Variants in SPPL3 observed in about 807,000 individuals in gnomAD.
SPPL3 encodes the protein signal peptide peptidase-like 3.
Under a neutral mutation model 42.4 loss-of-function variants are expected in SPPL3, and 5 were observed. The observed-to-expected ratio is 0.12, with a 90% CI of 0.06 to 0.25. The LOEUF is 0.25. SPPL3 is among the 10% of genes least tolerant of loss of function. The probability of loss-of-function intolerance (pLI) is 1.00; values close to 1 mark genes in which losing one functional copy is unlikely to be tolerated. For synonymous variants in SPPL3, 195 were observed against 181.8 expected, an observed-to-expected ratio of 1.07 and a Z score of -0.58; for missense variants, 235 against 489.0, an observed-to-expected ratio of 0.48 and a Z score of 4.90.
At chr12:120,830,590 A>AGG in intron 1 of SPPL3, among the ~76,000 whole-genome samples, 1 of 121,788 alleles carries the variant, frequency 8.2e-6, no homozygotes, top group Non-Finnish European at 1.8e-5. Flanking sequence ...GGAGAGAGAG[A>AGG]GAGAGAGAGA....
At chr12:120,864,895 T>TA (rs1389819808) in intron 1 of SPPL3, among the ~76,000 whole-genome samples, 2 of 152,086 alleles carry the variant, frequency 1.3e-5, no homozygotes, top group African/African-American at 4.8e-5. Flanking sequence ...GAAACTGGGT[T>TA]AAAAAAATAA....
rs2136980376 is a variant in SPPL3 at position 120,784,882 on chromosome 12, T to C, written c.191-289A>G. 2.0e-5 allele frequency among the ~76,000 whole-genome samples: 3 copies of C among 152,240 alleles called. No homozygotes were observed. The Middle Eastern group carries it at 0.01, about 518-fold the overall frequency. ...GGATCCAAACCACCACCGAGAACAT[T>C]AAGAGGTAGTAAAAACCCAGATTAG... On this transcript the variant is annotated intron_variant, in intron 3 of 10. Coordinates refer to ENST00000353487, the MANE Select transcript of SPPL3 (RefSeq NM_139015.5).
intron 1 of SPPL3, among the ~76,000 whole-genome samples, chr12:120,853,645 C>T (rs575208425): frequency 1.3e-5 from 2 of 152,216 alleles, no homozygotes; most frequent in South Asian, 4.1e-4. Flanking sequence ...ATTCTCAAAG[C>T]TGATGGTGTA....
chr12:120,876,500 C>T (rs1379116230), intron 1 of SPPL3, among the ~76,000 whole-genome samples: 1 of 150,162 alleles, frequency 6.7e-6, no homozygotes, highest in Non-Finnish European at 1.5e-5. Flanking sequence ...ACCTGTAGTC[C>T]CAGCTACTTG....
rs1870888527 is a variant in SPPL3 at position 120,816,730 on chromosome 12, GA to G, written c.24-5845del. Among the ~76,000 whole-genome samples, 3 of 152,064 alleles carry G rather than the reference GA, an allele frequency of 2.0e-5. No individual in the cohort carries two copies. In the South Asian group the frequency reaches 6.2e-4, roughly 31 times the overall value. On this transcript the variant is annotated intron_variant, in intron 1 of 10. Transcript: ENST00000353487. Reference sequence around the variant, plus strand: ...TTTCACAATGTTGCCCAGGGCTGGAGAACTGTGAATCTCTGTGATTATTAGT... The same window carrying G: ...TTTCACAATGTTGCCCAGGGCTGGAGACTGTGAATCTCTGTGATTATTAGT...
chr12:120,846,079 T>C (rs770788639), intron 1 of SPPL3, among the ~76,000 whole-genome samples: 3 of 152,092 alleles, frequency 2.0e-5, no homozygotes, highest in Non-Finnish European at 4.4e-5. Context: ...GTATTTTTAG[T>C]AGGGATGGGA....
chr12:120,843,586 G>A (rs1871904118), intron 1 of SPPL3, among the ~76,000 whole-genome samples: 1 of 152,090 alleles, frequency 6.6e-6, no homozygotes, highest in South Asian at 2.1e-4. Context: ...GAGTTCCCAG[G>A]GCACTAGGTG....
chr12:120,774,252 T>C (rs576574654), intron 6 of SPPL3, among the ~76,000 whole-genome samples: 1 of 152,286 alleles, frequency 6.6e-6, no homozygotes, highest in Non-Finnish European at 1.5e-5. Flanking sequence ...CTTCCTACTT[T>C]GCTGTGTCTC....
At chr12:120,865,247 T>C (rs559534550) in intron 1 of SPPL3, among the ~76,000 whole-genome samples, 30 of 152,300 alleles carry the variant, frequency 2.0e-4, no homozygotes, top group African/African-American at 7.2e-4. Flanking sequence ...TGCCACTGTT[T>C]CATGTCTTAC....
intron 2 of SPPL3, among the ~76,000 whole-genome samples, chr12:120,805,831 CA>C (rs2136997572): frequency 6.6e-6 from 1 of 152,040 alleles, no homozygotes; most frequent in Admixed American, 6.6e-5. Flanking sequence ...CTGAAAATTA[CA>C]AAACACTATT....
intron 2 of SPPL3, among the ~76,000 whole-genome samples, chr12:120,807,436 G>A (rs998757222): frequency 1.3e-5 from 2 of 152,136 alleles, no homozygotes; most frequent in Non-Finnish European, 2.9e-5. Flanking sequence ...AGCACTTTGG[G>A]AGGCCGAGGC....
rs565566227 is a variant in SPPL3 at position 120,899,840 on chromosome 12, C to T, written c.23+4005G>A. 9.7e-4 allele frequency among the ~76,000 whole-genome samples: 123 copies of T among 126,400 alleles called. 1 individual carries two copies. The highest frequency in any genetic ancestry group is 5.3e-3 in the Admixed American group (50 of 9,360). The allele number at this position is 126,400 out of a possible 152,430, so 82.9% of individuals were successfully genotyped here. On this transcript the variant is annotated intron_variant, in intron 1 of 10. Transcript: ENST00000353487. ...CCCAGGAGGCGGAGGTTGCTGTGAG[C>T]GGAGATCATGCCATTGCACTCTTGG... is the stretch of plus-strand genomic sequence containing the variant.
intron 1 of SPPL3, among the ~76,000 whole-genome samples, chr12:120,813,649 C>G (rs1271681843): frequency 3.3e-5 from 5 of 150,654 alleles, no homozygotes; most frequent in Non-Finnish European, 5.9e-5. Context: ...CAGATACAAC[C>G]TGAAGTATTT....
At position 120,769,073 on chromosome 12, in the gene SPPL3, A is replaced by G; in HGVS notation, c.503-14T>C. 6.3e-7 allele frequency: 1 copy of G among 1,589,300 alleles called. No homozygotes were observed. The highest frequency in any genetic ancestry group is 1.1e-5 in the South Asian group (1 of 87,550). On this transcript the variant is annotated splice_polypyrimidine_tract_variant and intron_variant, in intron 6 of 10. Coordinates refer to ENST00000353487, the MANE Select transcript of SPPL3 (RefSeq NM_139015.5). ...CCATGGCCAGTGCTGGGGAGGAGAC[A>G]GGGTACAGCAGACAGCAGTCAGTGT...
chr12:120,860,859 G>C (rs570727863), intron 1 of SPPL3, among the ~76,000 whole-genome samples: 1 of 152,054 alleles, frequency 6.6e-6, no homozygotes, highest in Non-Finnish European at 1.5e-5. Flanking sequence ...TGGGGGACTG[G>C]TTCCAGGACA....
intron 1 of SPPL3, among the ~76,000 whole-genome samples, chr12:120,855,700 A>G (rs1299266348): frequency 6.6e-6 from 1 of 152,046 alleles, no homozygotes; most frequent in African/African-American, 2.4e-5. Flanking sequence ...ATCTCAAAAA[A>G]AAAAAAGAAA....
At chr12:120,841,223 G>GC (rs1236906746) in intron 1 of SPPL3, among the ~76,000 whole-genome samples, 1 of 151,982 alleles carries the variant, frequency 6.6e-6, no homozygotes, top group Non-Finnish European at 1.5e-5. Flanking sequence ...TACTCCAGAG[G>GC]CTGAGGCAGG....
intron 1 of SPPL3, among the ~76,000 whole-genome samples, chr12:120,825,897 C>T (rs575081544): frequency 8.8e-5 from 13 of 148,544 alleles, no homozygotes; most frequent in African/African-American, 2.4e-4. Context: ...AGAGGAGGTG[C>T]TATAGTCACA....
At chr12:120,868,437 C>T in intron 1 of SPPL3, among the ~76,000 whole-genome samples, 1 of 151,416 alleles carries the variant, frequency 6.6e-6, no homozygotes, top group African/African-American at 2.4e-5. Context: ...AAGTGGTCAA[C>T]AGATAGATGG....
Sources: allele counts gnomAD v4.1 joint callset (sites outside exome capture counted in the v4.1 genomes callset), GRCh38; gene constraint gnomAD v4.1.1; transcripts MANE v1.5; gene names NCBI Gene and HGNC (gene_info 2026-07-23, HGNC 2026-07-21).